Variants in GMDS observed in about 807,000 individuals in gnomAD.
The protein encoded by GMDS is GDP-mannose 4,6-dehydratase.
Under a neutral mutation model 49.9 loss-of-function variants are expected in GMDS, and 20 were observed. That is an observed-to-expected ratio of 0.40 (90% CI 0.28 to 0.58). The LOEUF is 0.58. Among genes scored for constraint, GMDS ranks in the 20% least tolerant of loss-of-function variants. GMDS has a pLI of 0.42. For missense variants in GMDS, 362 were observed against 481.4 expected, an observed-to-expected ratio of 0.75 and a Z score of 2.32; for synonymous variants, 177 against 178.6, an observed-to-expected ratio of 0.99 and a Z score of 0.07.
At chr6:2,075,436 T>C (rs1772276266) in intron 4 of GMDS, among the ~76,000 whole-genome samples, 1 of 152,118 alleles carries the variant, frequency 6.6e-6, no homozygotes, top group Non-Finnish European at 1.5e-5. Context: ...GGCCCTGGTG[T>C]GTGATGTTCC....
chr6:2,087,535 A>C (rs1773080954), intron 4 of GMDS, among the ~76,000 whole-genome samples: 1 of 152,184 alleles, frequency 6.6e-6, no homozygotes, highest in Non-Finnish European at 1.5e-5. Context: ...CAGAAGAGAC[A>C]ATTTGCACTC....
intron 1 of GMDS, among the ~76,000 whole-genome samples, chr6:2,197,217 A>G (rs929882961): frequency 6.6e-6 from 1 of 152,248 alleles, no homozygotes; most frequent in Non-Finnish European, 1.5e-5. Flanking sequence ...CTCCCGCACC[A>G]TAAGGCAAAG....
At chr6:2,092,925 T>A (rs1030773147) in intron 4 of GMDS, among the ~76,000 whole-genome samples, 4 of 152,166 alleles carry the variant, frequency 2.6e-5, no homozygotes, top group Non-Finnish European at 4.4e-5. Context: ...AGAAAGATAA[T>A]AGGAGGTTGT....
At chr6:2,060,168 C>T (rs2127446545) in intron 4 of GMDS, among the ~76,000 whole-genome samples, 1 of 152,246 alleles carries the variant, frequency 6.6e-6, no homozygotes, top group Admixed American at 6.5e-5. Flanking sequence ...ACTGGGATCA[C>T]TTGTCCAGCC....
chr6:1,697,135 C>A (rs1478199724), intron 9 of GMDS, among the ~76,000 whole-genome samples: 1 of 152,136 alleles, frequency 6.6e-6, no homozygotes, highest in Non-Finnish European at 1.5e-5. Context: ...CATAAGTGGG[C>A]ATGTTTAAGG....
chr6:2,244,911 C>G (rs956896060), intron 1 of GMDS, among the ~76,000 whole-genome samples: 5 of 152,152 alleles, frequency 3.3e-5, no homozygotes, highest in African/African-American at 4.8e-5. Flanking sequence ...CCCCTTGAGC[C>G]GAGACACATC....
At chr6:1,822,537 C>A (rs1477440992) in intron 7 of GMDS, among the ~76,000 whole-genome samples, 1 of 151,880 alleles carries the variant, frequency 6.6e-6, no homozygotes, top group Non-Finnish European at 1.5e-5. Context: ...TGAGATAGTT[C>A]AAGAAAAATA....
At chr6:1,842,014 A>G (rs1757172542) in intron 7 of GMDS, among the ~76,000 whole-genome samples, 1 of 152,168 alleles carries the variant, frequency 6.6e-6, no homozygotes, top group African/African-American at 2.4e-5. Context: ...CGTGACACAC[A>G]TGGACTCTTC....
chr6:2,028,408 A>G (rs1313764689), intron 4 of GMDS, among the ~76,000 whole-genome samples: 2 of 152,224 alleles, frequency 1.3e-5, no homozygotes, highest in African/African-American at 4.8e-5. Context: ...CTGGACTTTC[A>G]TTTATGCTTT....
chr6:1,649,422 T>C (rs1421565533), intron 9 of GMDS, among the ~76,000 whole-genome samples: 1 of 152,362 alleles, frequency 6.6e-6, no homozygotes, highest in East Asian at 1.9e-4. Flanking sequence ...TAACTCATGA[T>C]ACTTATGCCA....
intron 4 of GMDS, among the ~76,000 whole-genome samples, chr6:2,103,764 C>T (rs1774058994): frequency 6.6e-6 from 1 of 152,098 alleles, no homozygotes; most frequent in Non-Finnish European, 1.5e-5. Context: ...GAAAGGTCCT[C>T]GGAAGCACAC....
chr6:1,930,227 G>T lies in GMDS; in HGVS notation c.647C>A (p.Ala216Asp), dbSNP rs747728845. Reference sequence around the variant, plus strand: ...GCTAATTTTTCGAGTAACGAAATTAGCTCCTAAAAAGAGGCAAAAGATGTA... The same window carrying T: ...GCTAATTTTTCGAGTAACGAAATTATCTCCTAAAAAGAGGCAAAAGATGTA... ...LFNHESPRRG[A>D]NFVTRKISRS... Residue 216 changes from alanine to aspartate, a missense_variant, in exon 7 of 11, where the codon GCT becomes GAT. Coordinates refer to ENST00000380815, the MANE Select transcript of GMDS (RefSeq NM_001500.4). 1 of 1,612,556 alleles carries T rather than the reference G, an allele frequency of 6.2e-7. No individual in the cohort carries two copies. Among genetic ancestry groups the T allele is most frequent in the Non-Finnish European group, 8.5e-7 (1 of 1,179,106 alleles).
chr6:1,996,114 TTCC>T (rs1239460486), intron 4 of GMDS, among the ~76,000 whole-genome samples: 2 of 151,824 alleles, frequency 1.3e-5, no homozygotes, highest in African/African-American at 2.4e-5. Flanking sequence ...CTCCTTCTCC[TTCC>T]TCCTCCTTCC....
chr6:1,987,727 G>A (rs1765647097), intron 4 of GMDS, among the ~76,000 whole-genome samples: 1 of 152,176 alleles, frequency 6.6e-6, no homozygotes, highest in Non-Finnish European at 1.5e-5. Flanking sequence ...GCAAAAGAAT[G>A]AAACATAAAA....
intron 1 of GMDS, among the ~76,000 whole-genome samples, chr6:2,209,626 C>CTCTA (rs1409832903): frequency 4.0e-5 from 6 of 151,442 alleles, no homozygotes; most frequent in African/African-American, 7.3e-5. Context: ...CTCTCTCTCT[C>CTCTA]TGGACTGAAT....
chr6:1,930,871 A>G (rs1243555273), intron 6 of GMDS: 7 of 152,232 alleles, frequency 4.6e-5, no homozygotes, highest in Non-Finnish European at 8.8e-5. Context: ...ACTATACTTA[A>G]GGCAATGCCA....
chr6:1,802,947 T>A (rs1770008051), intron 7 of GMDS, among the ~76,000 whole-genome samples: 1 of 152,246 alleles, frequency 6.6e-6, no homozygotes, highest in Non-Finnish European at 1.5e-5. Context: ...ATGCACTAAC[T>A]GTGCTGATCG....
chr6:2,068,544 A>C (rs1771769376), intron 4 of GMDS, among the ~76,000 whole-genome samples: 1 of 152,128 alleles, frequency 6.6e-6, no homozygotes, highest in Non-Finnish European at 1.5e-5. Context: ...AATCTCCTTA[A>C]GCTGATAAGC....
Position 1,986,659 on chromosome 6 carries a change from A to G in GMDS, c.346-25693T>C, listed in dbSNP as rs78633899. On this transcript the variant is annotated intron_variant, in intron 4 of 10. Coordinates refer to ENST00000380815, the MANE Select transcript of GMDS (RefSeq NM_001500.4). The stretch of plus-strand genomic sequence containing the variant: ...AAAGGAGGGCTGTAGGAGTGATCTC[A>G]GGAGACCCTGAGAATCATGATGACT... Among the ~76,000 whole-genome samples, 523 of 152,304 alleles carry G rather than the reference A, an allele frequency of 3.4e-3. 4 individuals carry two copies. The highest frequency in any genetic ancestry group is 0.012 in the African/African-American group (499 of 41,568).
Sources: allele counts gnomAD v4.1 joint callset (sites outside exome capture counted in the v4.1 genomes callset), GRCh38; gene constraint gnomAD v4.1.1; transcripts MANE v1.5; gene names NCBI Gene and HGNC (gene_info 2026-07-23, HGNC 2026-07-21).